PRICKLE2: variants seen among roughly 807,000 people sequenced by gnomAD.
The protein encoded by PRICKLE2 is prickle planar cell polarity protein 2, also known as prickle-like protein 2.
A neutral mutation model predicts 81.4 loss-of-function variants in PRICKLE2; 21 were observed. The observed-to-expected ratio is 0.26, with a 90% CI of 0.18 to 0.37. The LOEUF (loss-of-function observed/expected upper bound fraction) is 0.37. Among genes scored for constraint, PRICKLE2 ranks in the 10% least tolerant of loss-of-function variants. The pLI is 1.00. For synonymous variants in PRICKLE2, 456 were observed against 421.5 expected, an observed-to-expected ratio of 1.08 and a Z score of -1.00; for missense variants, 940 against 1,109.0, an observed-to-expected ratio of 0.85 and a Z score of 2.16.
chr3:64,235,259 T>C (rs1245892769), intron 2 of PRICKLE2, among the ~76,000 whole-genome samples: 4 of 152,238 alleles, frequency 2.6e-5, no homozygotes, highest in African/African-American at 9.6e-5. Flanking sequence ...TGATATTCTC[T>C]ACTTGATGAG....
intron 2 of PRICKLE2, among the ~76,000 whole-genome samples, chr3:64,197,152 G>A (rs186236134): frequency 2.8e-4 from 43 of 152,170 alleles, no homozygotes; most frequent in Admixed American, 5.2e-4. Context: ...TCTCTATCCG[G>A]TCTGTCATTG....
At chr3:64,173,115 G>C (rs1053148526) in intron 2 of PRICKLE2, among the ~76,000 whole-genome samples, 2 of 152,224 alleles carry the variant, frequency 1.3e-5, no homozygotes, top group Non-Finnish European at 2.9e-5. Context: ...ATTTGGCAGA[G>C]GGTATAAGAC....
At chr3:64,259,332 G>A (rs369289590) in intron 2 of PRICKLE2, among the ~76,000 whole-genome samples, 172 of 152,138 alleles carry the variant, frequency 1.1e-3, no homozygotes, top group South Asian at 4.0e-3. Flanking sequence ...TTTATAATAC[G>A]CCTAGGAAGT....
chr3:64,095,264 G>C lies in PRICKLE2; in HGVS notation c.*3787C>G, dbSNP rs2076555910. ...GCCTCCACAACCTGGGATGGGGGAG[G>C]GGCAGGTGAATTGGAGTCTCCGAAT... On this transcript the variant is annotated 3_prime_UTR_variant, in exon 8 of 8. Coordinates refer to ENST00000638394, the MANE Select transcript of PRICKLE2 (RefSeq NM_198859.4). 1.3e-5 allele frequency: 2 copies of C among 152,108 alleles called. No individual in the cohort carries two copies. The highest frequency in any genetic ancestry group is 4.8e-5 in the African/African-American group (2 of 41,424). 9.4% of individuals were successfully genotyped at this position (152,108 alleles called of 1,614,324 possible).
chr3:64,099,446 T>C lies in PRICKLE2; in HGVS notation c.2140A>G (p.Arg714Gly). 1 of 1,586,686 alleles carries C rather than the reference T, an allele frequency of 6.3e-7. No individual in the cohort carries two copies. The highest frequency in any genetic ancestry group is 8.6e-7 in the Non-Finnish European group (1 of 1,163,414). Residue 714 changes from arginine to glycine, a missense_variant, in exon 8 of 8, where the codon AGG (arginine) becomes GGG (glycine). Physicochemically the swap from Arg to Gly is moderately radical, Grantham distance 125. Transcript: ENST00000638394. The surrounding 1 kb of genome is among the most constrained non-coding windows in gnomAD (Gnocchi z 4.3). ...EREAISRLKD[R>G]PPLRAREDYD... ...TCCTCCCTGGCTCTCAGAGGGGGCC[T>C]ATCTTTTAACCGGGAGATGGCCTCG... is the stretch of plus-strand genomic sequence containing the variant.
Position 64,099,498 on chromosome 3 carries a change from G to T in PRICKLE2, c.2088C>A (p.Asp696Glu), listed in dbSNP as rs2076619479. The change falls in exon 8 of 8, where the codon GAC (aspartate) becomes GAA (glutamate). Residue 696 changes from aspartate to glutamate, a missense_variant. Transcript: ENST00000638394. The surrounding 1 kb of genome is among the most constrained non-coding windows in gnomAD (Gnocchi z 4.3). ...RSRRSRRSRS[D>E]NALHLASERE... ...GTTCGCTGGCCAGGTGGAGGGCGTT[G>T]TCGGAGCGAGAGCGTCGGGAACGCC... is the stretch of plus-strand genomic sequence containing the variant. The T allele has an allele frequency of 6.3e-7, 1 of 1,595,524 alleles. No individual in the cohort carries two copies. Among genetic ancestry groups the T allele is most frequent in the Admixed American group, 1.7e-5 (1 of 59,308 alleles).
chr3:64,202,274 T>C (rs2078597278), intron 1 of PRICKLE2, among the ~76,000 whole-genome samples: 1 of 152,100 alleles, frequency 6.6e-6, no homozygotes, highest in Admixed American at 6.5e-5. Flanking sequence ...GTTTGTCAAT[T>C]TGTGCAAAAA....
In PRICKLE2 at chr3:64,099,177, G is replaced by A. The variant is rs2076613087; in HGVS notation, c.2409C>T (p.Tyr803=). Reference sequence around the variant, plus strand: ...TGTGCAGCAGCTCATCGCTTGTGACGTATCGCAGGCGCGCTGGCTGGGGGA... The same window carrying A: ...TGTGCAGCAGCTCATCGCTTGTGACATATCGCAGGCGCGCTGGCTGGGGGA... The part of the protein sequence containing the change: ...EPIPQPARLR[Y]VTSDELLHKY... The change falls in exon 8 of 8, where the codon TAC becomes TAT. Residue 803 remains tyrosine, a synonymous_variant. Transcript: ENST00000638394. This position sits in a 1 kb window ranked among gnomAD's most constrained non-coding sequence, Gnocchi z 4.3. The A allele has an allele frequency of 1.9e-6, 3 of 1,614,222 alleles. No individual in the cohort carries two copies. The highest frequency in any genetic ancestry group is 1.1e-5 in the South Asian group (1 of 91,084).
intron 2 of PRICKLE2, among the ~76,000 whole-genome samples, chr3:64,233,713 T>C (rs1369127952): frequency 6.6e-6 from 1 of 152,214 alleles, no homozygotes; most frequent in Non-Finnish European, 1.5e-5. Flanking sequence ...ATATAATTAA[T>C]ATACTATACA....
chr3:64,215,992 A>T (rs1404489635), intron 1 of PRICKLE2, among the ~76,000 whole-genome samples: 4 of 152,252 alleles, frequency 2.6e-5, no homozygotes, highest in Non-Finnish European at 2.9e-5. Context: ...TGGCCTTGGC[A>T]TCTGAGACCA....
chr3:64,241,236 A>C (rs1384233265), intron 2 of PRICKLE2, among the ~76,000 whole-genome samples: 1 of 152,202 alleles, frequency 6.6e-6, no homozygotes, highest in African/African-American at 2.4e-5. Flanking sequence ...TCTTAACAAC[A>C]ACATCTGGAT....
At chr3:64,185,234 A>T (rs1011265025) in intron 2 of PRICKLE2, among the ~76,000 whole-genome samples, 2 of 152,160 alleles carry the variant, frequency 1.3e-5, no homozygotes, top group Non-Finnish European at 2.9e-5. Context: ...CTTTGGCAAG[A>T]GTCAGAAAGG....
At chr3:64,204,666 T>C (rs1385993732) in intron 1 of PRICKLE2, among the ~76,000 whole-genome samples, 1 of 151,876 alleles carries the variant, frequency 6.6e-6, no homozygotes, top group Admixed American at 6.6e-5. Flanking sequence ...AAATAGTAAC[T>C]CAAAGCCACA....
At chr3:64,144,153 A>C (rs1211653525) in intron 7 of PRICKLE2, among the ~76,000 whole-genome samples, 1 of 152,226 alleles carries the variant, frequency 6.6e-6, no homozygotes, top group East Asian at 1.9e-4. Context: ...CCACATTTTT[A>C]ACTTCTCTGG....
chr3:64,173,271 T>G (rs2077964774), intron 2 of PRICKLE2, among the ~76,000 whole-genome samples: 1 of 152,212 alleles, frequency 6.6e-6, no homozygotes. Context: ...GATCCCACTA[T>G]GAATCCCACA....
At chr3:64,261,804 G>A (rs2107190262) in intron 2 of PRICKLE2, among the ~76,000 whole-genome samples, 1 of 152,256 alleles carries the variant, frequency 6.6e-6, no homozygotes, top group South Asian at 2.1e-4. Context: ...GTTAAGGTGG[G>A]AGAGTCTCAC....
intron 2 of PRICKLE2, among the ~76,000 whole-genome samples, chr3:64,170,555 T>C (rs942694471): frequency 6.6e-6 from 1 of 152,122 alleles, no homozygotes; most frequent in Non-Finnish European, 1.5e-5. Context: ...GGTGTGTCAC[T>C]GCTCTGCTCA....
chr3:64,187,036 T>A (rs2078246641), intron 2 of PRICKLE2, among the ~76,000 whole-genome samples: 1 of 152,230 alleles, frequency 6.6e-6, no homozygotes, highest in African/African-American at 2.4e-5. Flanking sequence ...AGAACTCCAA[T>A]GGCAGGTCTC....
At chr3:64,185,801 A>G (rs1442451955) in intron 2 of PRICKLE2, among the ~76,000 whole-genome samples, 2 of 152,202 alleles carry the variant, frequency 1.3e-5, no homozygotes, top group Non-Finnish European at 2.9e-5. Context: ...TCAACATATA[A>G]TAAATCACAT....
Sources: gnomAD v4.1 joint callset for allele counts (sites outside exome capture counted in the v4.1 genomes callset) on GRCh38, gnomAD v4.1.1 for gene constraint, Gnocchi (gnomAD v3.1) non-coding constraint, MANE v1.5 for transcripts, NCBI Gene and HGNC (gene_info 2026-07-23, HGNC 2026-07-21) for gene names.